ATP8A2: variants seen among roughly 807,000 people sequenced by gnomAD.
ATP8A2 encodes ATPase phospholipid transporting 8A2.
ATP8A2 carries 100 observed loss-of-function variants against 165.6 expected under a neutral mutation model. That is an observed-to-expected ratio of 0.60 (90% CI 0.51 to 0.71). The LOEUF (loss-of-function observed/expected upper bound fraction) is 0.71, where lower values mean the gene tolerates loss of function less well. ATP8A2 is among the 30% of genes least tolerant of loss of function. ATP8A2 has a pLI of 0.00. For synonymous variants in ATP8A2, 543 were observed against 548.8 expected (o/e 0.99, Z 0.15); for missense variants, 1,227 against 1,479.5 (o/e 0.83, Z 2.80).
intron 24 of ATP8A2, among the ~76,000 whole-genome samples, chr13:25,689,207 G>T (rs1316870696): frequency 1.3e-5 from 2 of 152,144 alleles, no homozygotes; most frequent in East Asian, 3.8e-4. Flanking sequence ...AAAAGTTTTA[G>T]CACGTGTTTT....
intron 24 of ATP8A2, among the ~76,000 whole-genome samples, chr13:25,660,976 A>G (rs78877007): frequency 6.6e-6 from 1 of 152,066 alleles, no homozygotes. Context: ...CATATCAACA[A>G]CTCAGCTCTT....
At chr13:25,461,843 G>GAGA (rs537988820) in intron 1 of ATP8A2, among the ~76,000 whole-genome samples, 2,175 of 143,828 alleles carry the variant, frequency 0.015, 43 homozygotes, top group African/African-American at 0.044. Context: ...GAAGAAGAAG[G>GAGA]AGAAGAAGAA....
At chr13:25,603,442 G>T (rs903725779) in intron 24 of ATP8A2, among the ~76,000 whole-genome samples, 3 of 148,212 alleles carry the variant, frequency 2.0e-5, no homozygotes, top group Non-Finnish European at 3.0e-5. Context: ...AGTGAGTCGA[G>T]CCTGGGTGAC....
At chr13:25,589,756 T>C in intron 24 of ATP8A2, 57 bp downstream of exon 24, 1 of 1,072,056 alleles carries the variant, frequency 9.3e-7, no homozygotes, top group South Asian at 1.4e-5. Context: ...AACTCTTTCT[T>C]TCTACTATCA....
At chr13:25,960,443 C>G (rs1348264513) in intron 33 of ATP8A2, among the ~76,000 whole-genome samples, 3 of 152,134 alleles carry the variant, frequency 2.0e-5, no homozygotes, top group Non-Finnish European at 4.4e-5. Context: ...GCTCTCCCTC[C>G]CTCTGTAAGT....
At chr13:25,927,442 C>A (rs771593074) in intron 33 of ATP8A2, among the ~76,000 whole-genome samples, 3 of 152,152 alleles carry the variant, frequency 2.0e-5, no homozygotes, top group Non-Finnish European at 4.4e-5. Flanking sequence ...TTTTCTGGGT[C>A]ATAATGCCAG....
chr13:25,414,160 G>A (rs1307801945), intron 1 of ATP8A2, among the ~76,000 whole-genome samples: 1 of 149,698 alleles, frequency 6.7e-6, no homozygotes, highest in Non-Finnish European at 1.5e-5. Context: ...TTGACTCCGT[G>A]ACTATCTTAT....
chr13:25,788,617 G>A (rs1293265979), intron 27 of ATP8A2, among the ~76,000 whole-genome samples: 1 of 152,160 alleles, frequency 6.6e-6, no homozygotes, highest in African/African-American at 2.4e-5. Flanking sequence ...ACCTTCTGGG[G>A]AAGGGGCTAA....
chr13:25,660,489 C>T (rs1389010011), intron 24 of ATP8A2, among the ~76,000 whole-genome samples: 1 of 152,114 alleles, frequency 6.6e-6, no homozygotes, highest in Non-Finnish European at 1.5e-5. Context: ...TATCAAATCA[C>T]ACTCTCAAAT....
chr13:26,006,130 C>A (rs1043003114), intron 35 of ATP8A2, among the ~76,000 whole-genome samples: 8 of 152,010 alleles, frequency 5.3e-5, no homozygotes, highest in African/African-American at 1.9e-4. Context: ...TTAACAGTAT[C>A]ATCTTTCAAT....
chr13:25,870,048 C>G (rs189239173), intron 33 of ATP8A2, among the ~76,000 whole-genome samples: 17 of 152,298 alleles, frequency 1.1e-4, no homozygotes, highest in African/African-American at 3.8e-4. Flanking sequence ...TATCTCTCAG[C>G]AGATGGGGGA....
chr13:25,997,320 A>G (rs917815868), intron 35 of ATP8A2, among the ~76,000 whole-genome samples: 2 of 152,088 alleles, frequency 1.3e-5, no homozygotes, highest in African/African-American at 2.4e-5. Flanking sequence ...TCCACTGTCA[A>G]CCTACGTGGT....
intron 23 of ATP8A2, among the ~76,000 whole-genome samples, chr13:25,588,967 C>G (rs770962161): frequency 9.2e-5 from 14 of 151,990 alleles, no homozygotes; most frequent in Non-Finnish European, 1.9e-4. Flanking sequence ...AGGAAAGAGC[C>G]CAGGGCTTCC....
At chr13:25,842,003 A>C (rs532654483) in intron 30 of ATP8A2, among the ~76,000 whole-genome samples, 1 of 152,190 alleles carries the variant, frequency 6.6e-6, no homozygotes, top group Non-Finnish European at 1.5e-5. Context: ...ACCTCCTATC[A>C]GGCCACAGCT....
chr13:25,663,309 T>C (rs983255239), intron 24 of ATP8A2, among the ~76,000 whole-genome samples: 42 of 152,240 alleles, frequency 2.8e-4, no homozygotes, highest in African/African-American at 9.6e-4. Context: ...ATTTTCTTTC[T>C]TATAAGTTAT....
chr13:25,939,161 G>A (rs958569768), intron 33 of ATP8A2, among the ~76,000 whole-genome samples: 2 of 152,058 alleles, frequency 1.3e-5, no homozygotes, highest in African/African-American at 4.8e-5. Flanking sequence ...TCCTTTGATT[G>A]CCTCATGGGA....
At chr13:25,905,247 A>G (rs921536141) in intron 33 of ATP8A2, among the ~76,000 whole-genome samples, 2 of 151,134 alleles carry the variant, frequency 1.3e-5, no homozygotes, top group Non-Finnish European at 3.0e-5. Flanking sequence ...TTACTTACTT[A>G]AAAAAAAAAT....
chr13:25,917,836 T>A (rs1954313928), intron 33 of ATP8A2, among the ~76,000 whole-genome samples: 1 of 152,246 alleles, frequency 6.6e-6, no homozygotes, highest in Non-Finnish European at 1.5e-5. Context: ...TAAAAATAAT[T>A]TCTTCAAAAT....
chr13:25,625,928 C>G (rs562224938), intron 24 of ATP8A2, among the ~76,000 whole-genome samples: 1 of 152,128 alleles, frequency 6.6e-6, no homozygotes, highest in Non-Finnish European at 1.5e-5. Flanking sequence ...ATTGCTGAGA[C>G]TGCATCTACT....
Sources: allele counts gnomAD v4.1 joint callset (sites outside exome capture counted in the v4.1 genomes callset), GRCh38; gene constraint gnomAD v4.1.1; transcripts MANE v1.5; gene names NCBI Gene and HGNC (gene_info 2026-07-23, HGNC 2026-07-21).